ELP3: variants seen among roughly 807,000 people sequenced by gnomAD.
The protein encoded by ELP3 is elongator complex protein 3.
A neutral mutation model predicts 74.9 loss-of-function variants in ELP3; 56 were observed. The ratio of observed to expected loss-of-function variants is 0.75; its 90% CI spans 0.60 to 0.93. The LOEUF (loss-of-function observed/expected upper bound fraction) is 0.93, where lower values mean the gene tolerates loss of function less well. Ranked by LOEUF, ELP3 falls within the 40% of genes least tolerant of loss-of-function variation. The probability of loss-of-function intolerance (pLI) is 0.00; values close to 1 mark genes in which losing one functional copy is unlikely to be tolerated. For synonymous variants in ELP3, 222 were observed against 239.8 expected (o/e 0.93, Z 0.68); for missense variants, 573 against 686.5 (o/e 0.83, Z 1.85).
At chr8:28,106,252 C>T (rs1351897012) in intron 3 of ELP3, among the ~76,000 whole-genome samples, 2 of 152,162 alleles carry the variant, frequency 1.3e-5, no homozygotes, top group Non-Finnish European at 2.9e-5. Flanking sequence ...TTAAGAAATA[C>T]AGCCTCGGCC....
rs143628139 is a variant in ELP3 at position 28,166,111 on chromosome 8, G to A, written c.1567+4033G>A. 2.8e-3 allele frequency among the ~76,000 whole-genome samples: 422 copies of A among 152,176 alleles called. 1 individual carries two copies. Among genetic ancestry groups the A allele is most frequent in the African/African-American group, 9.1e-3 (379 of 41,528 alleles). ...CAGTTTCATCAGCATCAAAGTCACC[G>A]TGTATTGAGGGCTCACGTATGAAAT... On this transcript the variant is annotated intron_variant, in intron 14 of 14. Coordinates refer to ENST00000256398, the MANE Select transcript of ELP3 (RefSeq NM_018091.6).
intron 14 of ELP3, among the ~76,000 whole-genome samples, chr8:28,165,700 T>C (rs1408080834): frequency 6.6e-6 from 1 of 152,208 alleles, no homozygotes; most frequent in Non-Finnish European, 1.5e-5. Flanking sequence ...TGCCAGATTT[T>C]CTCTGTAACT....
At chr8:28,096,166 C>T (rs1003278746) in intron 1 of ELP3, among the ~76,000 whole-genome samples, 1 of 152,202 alleles carries the variant, frequency 6.6e-6, no homozygotes, top group Non-Finnish European at 1.5e-5. Flanking sequence ...CACTGTCTCC[C>T]ATCACCCCCA....
At chr8:28,105,219 T>TAA (rs796711728) in intron 3 of ELP3, among the ~76,000 whole-genome samples, 2 of 143,644 alleles carry the variant, frequency 1.4e-5, no homozygotes, top group African/African-American at 2.6e-5. Flanking sequence ...CTGTCTCTAC[T>TAA]AAAAAAAAAA....
chr8:28,182,363 C>T (rs1815048827), intron 14 of ELP3, among the ~76,000 whole-genome samples: 1 of 152,144 alleles, frequency 6.6e-6, no homozygotes, highest in South Asian at 2.1e-4. Flanking sequence ...AGTTCGAGAC[C>T]AGCCTGGCCA....
Position 28,093,238 on chromosome 8 carries a change from G to C in ELP3, c.19+5G>C, listed in dbSNP as rs1811114210. On this transcript the variant is annotated splice_donor_5th_base_variant and intron_variant, in intron 1 of 14. Transcript: ENST00000256398. ...AAATGAGGCAGAAGCGGAAAGGTGC[G>C]AAAGGGGAAGGAGATGGGGGAAAGG... The C allele has an allele frequency of 6.2e-7, 1 of 1,613,100 alleles. No homozygotes were observed. Among genetic ancestry groups the C allele is most frequent in the Non-Finnish European group, 8.5e-7 (1 of 1,179,884 alleles).
In ELP3 at chr8:28,189,734, C is replaced by T. The variant is rs1202269581; in HGVS notation, c.*9C>T. ...TGAAGATGCTGAAATAATGGCCACA[C>T]CAGTCCACTCTTCTGCAGTATCCTC... On this transcript the variant is annotated 3_prime_UTR_variant, in exon 15 of 15. Transcript: ENST00000256398. 6.2e-7 allele frequency: 1 copy of T among 1,612,686 alleles called. No homozygotes were observed.
intron 3 of ELP3, among the ~76,000 whole-genome samples, chr8:28,105,876 C>T (rs751792077): frequency 6.6e-6 from 1 of 152,222 alleles, no homozygotes; most frequent in Non-Finnish European, 1.5e-5. Context: ...CTGTCGTCAC[C>T]TCACTGAGGC....
At chr8:28,099,208 T>G (rs960893036) in intron 2 of ELP3, among the ~76,000 whole-genome samples, 4 of 152,104 alleles carry the variant, frequency 2.6e-5, no homozygotes, top group African/African-American at 4.8e-5. Flanking sequence ...CTGGTAAAAG[T>G]TTTTTTTAAA....
chr8:28,132,012 A>T (rs1312363128), intron 8 of ELP3, among the ~76,000 whole-genome samples: 2 of 152,208 alleles, frequency 1.3e-5, no homozygotes, highest in South Asian at 2.1e-4. Flanking sequence ...CAAGACTTTA[A>T]GTAGATGTGT....
intron 1 of ELP3, among the ~76,000 whole-genome samples, chr8:28,095,579 T>C (rs564889000): frequency 2.1e-4 from 32 of 152,358 alleles, no homozygotes; most frequent in African/African-American, 6.7e-4. Flanking sequence ...AGATGGACTT[T>C]ATTTCTCTCA....
chr8:28,119,722 A>G (rs563702386), intron 7 of ELP3, among the ~76,000 whole-genome samples: 2 of 151,210 alleles, frequency 1.3e-5, no homozygotes, highest in Admixed American at 6.6e-5. Flanking sequence ...TGTCACCGTC[A>G]TCCCAGAAAG....
In ELP3 at chr8:28,106,835, A is replaced by G. The variant is rs773255564; in HGVS notation, c.329+52A>G. ...TATGTATGTTTTAATTAAGCTAAATATGCCCCCTCTAGCCCTTAGTCAGTA... is the reference window on the plus strand; with the variant it reads ...TATGTATGTTTTAATTAAGCTAAATGTGCCCCCTCTAGCCCTTAGTCAGTA... On this transcript the variant is annotated intron_variant, in intron 4 of 14. Transcript: ENST00000256398. 6.4e-6 allele frequency: 9 copies of G among 1,395,780 alleles called. No individual in the cohort carries two copies. In the Admixed American group the frequency reaches 1.5e-4, roughly 24 times the overall value. 86.5% of individuals were successfully genotyped at this position (1,395,780 alleles called of 1,614,324 possible). A position where few individuals can be genotyped will look rare whatever the true frequency, so the allele number is the denominator to read the frequency against.
intron 7 of ELP3, among the ~76,000 whole-genome samples, chr8:28,125,583 C>G (rs1812539142): frequency 6.6e-6 from 1 of 152,124 alleles, no homozygotes; most frequent in African/African-American, 2.4e-5. Context: ...TGCTATCTTC[C>G]TTCCATCAGT....
intron 10 of ELP3, among the ~76,000 whole-genome samples, chr8:28,138,544 C>G (rs1027030089): frequency 4.6e-5 from 7 of 152,052 alleles, no homozygotes; most frequent in Non-Finnish European, 8.8e-5. Context: ...AAGCCAATTC[C>G]CACACACACA....
intron 14 of ELP3, among the ~76,000 whole-genome samples, chr8:28,184,838 G>C (rs932968882): frequency 6.6e-6 from 1 of 152,116 alleles, no homozygotes; most frequent in Non-Finnish European, 1.5e-5. Flanking sequence ...AAATGTTAGA[G>C]ATGTTTTCTA....
chr8:28,132,170 A>G, intron 8 of ELP3, 108 bp from the exon 9 acceptor site: 2 of 1,199,038 alleles, frequency 1.7e-6, no homozygotes, highest in South Asian at 2.9e-5. Flanking sequence ...TGTCTCAGAG[A>G]TTGTTTTCCC....
At chr8:28,128,545 G>A (rs1281486840) in intron 7 of ELP3, among the ~76,000 whole-genome samples, 1 of 152,176 alleles carries the variant, frequency 6.6e-6, no homozygotes, top group Non-Finnish European at 1.5e-5. Context: ...TGTCTAAGCA[G>A]TGTGGTAACT....
In ELP3 at chr8:28,093,157, T is replaced by A; in HGVS notation, c.-58T>A. ...GTTTTGTGGCTGTCAGCTTTCCCCG[T>A]GGTCTGAGTTTGTGGCTGCATTTTT... On this transcript the variant is annotated 5_prime_UTR_variant, in exon 1 of 15. Transcript: ENST00000256398. 1 of 1,601,546 alleles carries A rather than the reference T, an allele frequency of 6.2e-7. No individual in the cohort carries two copies. The highest frequency in any genetic ancestry group is 8.5e-7 in the Non-Finnish European group (1 of 1,175,764).
Sources: allele counts gnomAD v4.1 joint callset (sites outside exome capture counted in the v4.1 genomes callset), GRCh38; gene constraint gnomAD v4.1.1; transcripts MANE v1.5; gene names NCBI Gene and HGNC (gene_info 2026-07-23, HGNC 2026-07-21).